Variants in MTCL1 observed in about 807,000 individuals in gnomAD.
The protein encoded by MTCL1 is microtubule crosslinking factor 1.
Under a neutral mutation model 141.4 loss-of-function variants are expected in MTCL1, and 79 were observed. The ratio of observed to expected loss-of-function variants is 0.56; its 90% CI spans 0.47 to 0.67. MTCL1 has a LOEUF of 0.67. Among genes scored for constraint, MTCL1 ranks in the 30% least tolerant of loss-of-function variants. MTCL1 has a pLI of 0.00. For missense variants in MTCL1, 2,177 were observed against 2,113.9 expected (o/e 1.03, Z -0.59); for synonymous variants, 914 against 875.8 (o/e 1.04, Z -0.77).
At chr18:8,832,667 A>T (rs1051012802) in exon 17 of MTCL1, 7 of 152,360 alleles carry the variant, frequency 4.6e-5, no homozygotes, top group African/African-American at 1.7e-4. Flanking sequence ...AAGTTTTCTT[A>T]AGGGAAAACA....
intron 4 of MTCL1, among the ~76,000 whole-genome samples, chr18:8,725,527 T>G (rs534245712): frequency 1.3e-5 from 2 of 152,332 alleles, no homozygotes; most frequent in Non-Finnish European, 2.9e-5. Context: ...AAAGTAATGC[T>G]TAACTTTGTC....
At position 8,829,192 on chromosome 18, in the gene MTCL1, T is replaced by C. The variant is rs553908144; in HGVS notation, c.*18+228T>C. The C allele has an allele frequency of 8.1e-6, 8 of 985,454 alleles. No individual in the cohort carries two copies. In the South Asian group the frequency reaches 3.8e-4, roughly 46 times the overall value. 61.0% of individuals were successfully genotyped at this position (985,454 alleles called of 1,614,324 possible). ...TCAATGCAAAGAAGGGTTTTTAGGT[T>C]ATAGAGATTCTGCTGAGATTTCTCC... On this transcript the variant is annotated intron_variant, in intron 16 of 16. Coordinates refer to ENST00000359865, the Ensembl canonical transcript of MTCL1.
At chr18:8,783,856 G>C in exon 6 of MTCL1, 1 of 1,613,036 alleles carries the variant, frequency 6.2e-7, no homozygotes, top group Non-Finnish European at 8.5e-7. Flanking sequence ...AGCAGGAGCG[G>C]GAGGGCCCGG....
At chr18:8,763,338 G>A (rs909537761) in intron 4 of MTCL1, among the ~76,000 whole-genome samples, 15 of 152,232 alleles carry the variant, frequency 9.9e-5, no homozygotes, top group African/African-American at 3.1e-4. Context: ...TGATGGGCCC[G>A]CCCAGACCCC....
Position 8,705,852 on chromosome 18 carries a change from C to A in MTCL1, c.192C>A (p.Pro64=). The A allele has an allele frequency of 8.6e-7, 1 of 1,160,188 alleles. No individual in the cohort carries two copies. Among genetic ancestry groups the A allele is most frequent in the African/African-American group, 1.6e-5 (1 of 61,414 alleles). The allele number at this position is 1,160,188 out of a possible 1,614,324, so 71.9% of individuals were successfully genotyped here. A position where few individuals can be genotyped will look rare whatever the true frequency, so the allele number is the denominator to read the frequency against. The change falls in exon 1 of 14, where the codon CCC becomes CCA. Residue 64 remains proline (P), a synonymous_variant. Coordinates refer to the MTCL1 transcript ENST00000306329. This position sits in a 1 kb window ranked among gnomAD's most constrained non-coding sequence, Gnocchi z 5.2. ...CCGCCGCGCCCGGCCCGGCCGTCCC[C>A]TCCTCGGGCCGAGCCCCGGCTCCCG...
At chr18:8,765,759 T>G in intron 4 of MTCL1, among the ~76,000 whole-genome samples, 1 of 152,212 alleles carries the variant, frequency 6.6e-6, no homozygotes, top group Non-Finnish European at 1.5e-5. Context: ...ACATGTACTT[T>G]CATCCTTGGA....
chr18:8,756,511 ATATG>A (rs1567984134), intron 4 of MTCL1, among the ~76,000 whole-genome samples: 122 of 150,500 alleles, frequency 8.1e-4, no homozygotes, highest in African/African-American at 2.9e-3. Flanking sequence ...GTGTGTATAT[ATATG>A]TGTGTATATA....
chr18:8,798,481 A>G (rs896242415), intron 10 of MTCL1, among the ~76,000 whole-genome samples, 190 bp downstream of exon 9: 13 of 152,078 alleles, frequency 8.5e-5, no homozygotes, highest in Admixed American at 7.9e-4. Flanking sequence ...AACCTTTTCC[A>G]TCTTAATGTC....
At chr18:8,785,234 A>G (rs1023320767) in intron 6 of MTCL1, among the ~76,000 whole-genome samples, 30 of 152,138 alleles carry the variant, frequency 2.0e-4, no homozygotes, top group African/African-American at 6.3e-4. Context: ...GAGGAGGCTA[A>G]GACAAACGCA....
At chr18:8,766,173 C>T (rs986505430) in intron 4 of MTCL1, among the ~76,000 whole-genome samples, 2 of 152,230 alleles carry the variant, frequency 1.3e-5, no homozygotes, top group East Asian at 1.9e-4. Context: ...AAGCACGCAG[C>T]GGATGCTGCA....
intron 4 of MTCL1, among the ~76,000 whole-genome samples, chr18:8,726,382 G>A (rs1243848917): frequency 7.0e-6 from 1 of 143,300 alleles, no homozygotes; most frequent in African/African-American, 2.6e-5. Context: ...AGTCAATTTG[G>A]TTCCTGGCGA....
chr18:8,726,324 T>C (rs1310167426), intron 4 of MTCL1, among the ~76,000 whole-genome samples: 1 of 149,126 alleles, frequency 6.7e-6, no homozygotes, highest in Non-Finnish European at 1.5e-5. Context: ...ACAACAGACA[T>C]TTATTTCTGA....
chr18:8,733,716 T>A (rs918993444), intron 4 of MTCL1, among the ~76,000 whole-genome samples: 1 of 152,150 alleles, frequency 6.6e-6, no homozygotes, highest in Non-Finnish European at 1.5e-5. Context: ...GTTAGTATCC[T>A]GTTAATGATT....
At chr18:8,816,195 A>AGAT (rs1261485133) in intron 12 of MTCL1, among the ~76,000 whole-genome samples, 1 of 152,088 alleles carries the variant, frequency 6.6e-6, no homozygotes, top group African/African-American at 2.4e-5. Context: ...TTAGCTACAT[A>AGAT]CTCCGTAGAT....
chr18:8,730,792 G>T (rs1219363928), intron 4 of MTCL1, among the ~76,000 whole-genome samples: 1 of 152,204 alleles, frequency 6.6e-6, no homozygotes, highest in Non-Finnish European at 1.5e-5. Flanking sequence ...CAGACTTCCT[G>T]AGAGATTGAA....
At chr18:8,706,950 C>G in intron 1 of MTCL1, 2 of 583,558 alleles carry the variant, frequency 3.4e-6, no homozygotes, top group South Asian at 2.7e-5. Flanking sequence ...GCGTCTAGAA[C>G]TCTTGCGTCT....
At chr18:8,720,209 G>A in intron 3 of MTCL1, 129 bp from the exon 3 acceptor site, 1 of 808,600 alleles carries the variant, frequency 1.2e-6, no homozygotes, top group Non-Finnish European at 2.0e-6. Context: ...AGTCAGTTGT[G>A]TATTGCCAGG....
intron 4 of MTCL1, among the ~76,000 whole-genome samples, chr18:8,748,737 A>G (rs922780804): frequency 2.0e-5 from 3 of 152,138 alleles, no homozygotes; most frequent in Non-Finnish European, 4.4e-5. Context: ...GTTAATAGTA[A>G]TATTAACATG....
Position 8,705,816 on chromosome 18 carries a change from GCACGCCCGGCCCGC to G in MTCL1, c.158_171del (p.His53ArgfsTer157). On this transcript the variant is annotated frameshift_variant, in exon 1 of 14. Coordinates refer to the MTCL1 transcript ENST00000306329. LOFTEE classifies it high-confidence loss of function. The surrounding 1 kb of genome is among the most constrained non-coding windows in gnomAD (Gnocchi z 5.2). Reference sequence around the variant, plus strand: ...CCGCCAGACCCTTCCTCAAGGACCTGCACGCCCGGCCCGCCGCGCCCGGCCCGGCCGTCCCCTCC... The same window carrying G: ...CCGCCAGACCCTTCCTCAAGGACCTGCGCGCCCGGCCCGGCCGTCCCCTCC... The G allele has an allele frequency of 8.4e-7, 1 of 1,185,830 alleles. No individual in the cohort carries two copies. The highest frequency in any genetic ancestry group is 1.0e-6 in the Non-Finnish European group (1 of 957,782). 73.5% of individuals were successfully genotyped at this position (1,185,830 alleles called of 1,614,324 possible).
Sources: allele counts gnomAD v4.1 joint callset (sites outside exome capture counted in the v4.1 genomes callset), GRCh38; gene constraint gnomAD v4.1.1; non-coding constraint Gnocchi (gnomAD v3.1); transcripts MANE v1.5; gene names NCBI Gene and HGNC (gene_info 2026-07-23, HGNC 2026-07-21).